NFATC2: variants seen among roughly 807,000 people sequenced by gnomAD.
The protein encoded by NFATC2 is nuclear factor of activated T-cells, cytoplasmic 2.
A neutral mutation model predicts 87.3 loss-of-function variants in NFATC2; 22 were observed. That is an observed-to-expected ratio of 0.25 (90% CI 0.18 to 0.36). NFATC2 has a LOEUF of 0.36. Among genes scored for constraint, NFATC2 ranks in the 10% least tolerant of loss-of-function variants. The pLI is 1.00. For missense variants in NFATC2, 1,149 were observed against 1,259.1 expected (o/e 0.91, Z 1.32); for synonymous variants, 565 against 542.2 (o/e 1.04, Z -0.58).
intron 3 of NFATC2, among the ~76,000 whole-genome samples, chr20:51,503,748 G>A (rs1963442902): frequency 6.6e-6 from 1 of 152,218 alleles, no homozygotes; most frequent in Non-Finnish European, 1.5e-5. Flanking sequence ...CCAAACACAG[G>A]GAGAGGAGGC....
intron 9 of NFATC2, among the ~76,000 whole-genome samples, chr20:51,414,437 C>T (rs1320062233): frequency 2.0e-5 from 3 of 152,170 alleles, no homozygotes; most frequent in Admixed American, 6.5e-5. Flanking sequence ...GCCTGTAATC[C>T]CAGCACTTTG....
At chr20:51,510,397 G>A (rs1373996651) in intron 3 of NFATC2, among the ~76,000 whole-genome samples, 1 of 152,206 alleles carries the variant, frequency 6.6e-6, no homozygotes, top group East Asian at 1.9e-4. Flanking sequence ...GCTCTGAATG[G>A]ATGTTTTGTC....
intron 3 of NFATC2, among the ~76,000 whole-genome samples, chr20:51,487,529 C>G (rs2146566416): frequency 1.3e-5 from 2 of 152,318 alleles, no homozygotes; most frequent in East Asian, 3.9e-4. Flanking sequence ...TCCCAGGAAA[C>G]TGCAGTTCAG....
chr20:51,543,179 A>G (rs1186518336), upstream of NFATC2, among the ~76,000 whole-genome samples: 1 of 152,006 alleles, frequency 6.6e-6, no homozygotes, highest in Admixed American at 6.6e-5. Flanking sequence ...ATGGCCCTGA[A>G]CTCAACTCCC....
At chr20:51,528,107 T>G (rs1039901373) in intron 1 of NFATC2, among the ~76,000 whole-genome samples, 1 of 144,514 alleles carries the variant, frequency 6.9e-6, no homozygotes, top group African/African-American at 2.7e-5. Flanking sequence ...AAAAAAAAAA[T>G]TCTTCCTGCA....
intron 5 of NFATC2, among the ~76,000 whole-genome samples, chr20:51,455,061 G>T (rs564981479): frequency 6.6e-6 from 1 of 152,270 alleles, no homozygotes; most frequent in East Asian, 1.9e-4. Context: ...TTTATAAGAG[G>T]TTTCCTTTGT....
intron 9 of NFATC2, among the ~76,000 whole-genome samples, chr20:51,421,314 A>G (rs1485799721): frequency 6.6e-6 from 1 of 152,148 alleles, no homozygotes; most frequent in African/African-American, 2.4e-5. Flanking sequence ...CCCAGCCACA[A>G]GGAGGGGAAG....
intron 9 of NFATC2, chr20:51,398,989 C>A: frequency 2.6e-6 from 1 of 382,668 alleles, no homozygotes; most frequent in Non-Finnish European, 4.8e-6. Flanking sequence ...GGAGCGTGTT[C>A]AGGGTGGACA....
Position 51,391,296 on chromosome 20 carries a change from T to G in NFATC2, c.*200A>C, listed in dbSNP as rs763855545. Reference sequence around the variant, plus strand: ...CCCATACATTGATCCGCGTGTGGACTCCGGGCTGGGAGATGAACATGAAAG... The same window carrying G: ...CCCATACATTGATCCGCGTGTGGACGCCGGGCTGGGAGATGAACATGAAAG... On this transcript the variant is annotated 3_prime_UTR_variant, in exon 11 of 11. Coordinates refer to ENST00000371564, the MANE Select transcript of NFATC2 (RefSeq NM_012340.5). 7.7e-7 allele frequency: 1 copy of G among 1,303,846 alleles called. No homozygotes were observed. Among genetic ancestry groups the G allele is most frequent in the Admixed American group, 1.7e-5 (1 of 59,528 alleles). 80.8% of individuals were successfully genotyped at this position (1,303,846 alleles called of 1,614,324 possible).
chr20:51,405,687 C>A (rs2063102083), intron 9 of NFATC2, among the ~76,000 whole-genome samples: 1 of 152,214 alleles, frequency 6.6e-6, no homozygotes, highest in Non-Finnish European at 1.5e-5. Flanking sequence ...CTCTCATCTA[C>A]TGCTGTATCC....
At chr20:51,558,964 AG>A (rs1218838431) in intron 1 of NFATC2, among the ~76,000 whole-genome samples, 7 of 152,210 alleles carry the variant, frequency 4.6e-5, no homozygotes, top group Admixed American at 6.5e-5. Flanking sequence ...CCCTGGCCTC[AG>A]GGGGCTTGTA....
intron 3 of NFATC2, among the ~76,000 whole-genome samples, chr20:51,500,868 T>C: frequency 4.9e-5 from 1 of 20,276 alleles, no homozygotes; most frequent in Non-Finnish European, 9.0e-5. Flanking sequence ...GTCTGGTCAG[T>C]CAGAGGGTGA....
At position 51,432,557 on chromosome 20, in the gene NFATC2, T is replaced by G. The variant is rs1334306794; in HGVS notation, c.2232A>C (p.Gln744His). Residue 744 changes from glutamine to histidine, a missense_variant, in exon 9 of 11, where the codon CAA becomes CAC. Gln to His is a conservative substitution (Grantham distance 24, BLOSUM62 0). Transcript: ENST00000371564. The surrounding 1 kb of genome is among the most constrained non-coding windows in gnomAD (Gnocchi z 4.6). Reference sequence around the variant, plus strand: ...GGTAGAGTACGGCCGCTGGGTTCTGTTGCTGGTAGCGGGCGTCAGGGGATG... The same window carrying G: ...GGTAGAGTACGGCCGCTGGGTTCTGGTGCTGGTAGCGGGCGTCAGGGGATG... ...GLSSPDARYQ[Q>H]QNPAAVLYQR... The G allele has an allele frequency of 1.3e-6, 2 of 1,541,234 alleles. No homozygotes were observed.
rs141458852 is a variant in NFATC2 at position 51,446,747 on chromosome 20, T to C, written c.1849+7801A>G. ...CTCTATCTCCACGGCAGCTTCGGAG[T>C]TGCAATCTGGATCGCATCTTTGGAG... On this transcript the variant is annotated intron_variant, in intron 6 of 10. Coordinates refer to ENST00000371564, the MANE Select transcript of NFATC2 (RefSeq NM_012340.5). 3.9e-3 allele frequency among the ~76,000 whole-genome samples: 593 copies of C among 152,296 alleles called. 2 individuals carry two copies. The highest frequency in any genetic ancestry group is 0.013 in the African/African-American group (553 of 41,554).
chr20:51,398,966 G>C (rs1354401946), intron 9 of NFATC2: 11 of 463,590 alleles, frequency 2.4e-5, no homozygotes, highest in Non-Finnish European at 3.9e-5. Context: ...ATTATGTGGG[G>C]TGTGGGATCA....
Position 51,562,607 on chromosome 20 carries a change from C to A in NFATC2, c.23G>T (p.Arg8Ile). ...GCGGAGGGGATGGCAGTGCCCCAGT[C>A]TGAACGCAGCCTCTCTCTGCATCTG... The change falls in exon 1 of 11, where the codon AGA becomes ATA. Residue 8 changes from arginine (R) to isoleucine (I), a missense_variant. Transcript: ENST00000414705. This position sits in a 1 kb window ranked among gnomAD's most constrained non-coding sequence, Gnocchi z 5.8. 1 of 1,551,330 alleles carries A rather than the reference C, an allele frequency of 6.4e-7. No homozygotes were observed. The highest frequency in any genetic ancestry group is 8.7e-7 in the Non-Finnish European group (1 of 1,146,700).
rs73269928 is a variant in NFATC2 at position 51,430,155 on chromosome 20, G to C, written c.2722+1912C>G. Among the ~76,000 whole-genome samples, 996 of 152,262 alleles carry C rather than the reference G, an allele frequency of 6.5e-3. 14 individuals carry two copies. The highest frequency in any genetic ancestry group is 0.023 in the African/African-American group (944 of 41,532). ...AACAAGGGATGGACAGGGTAGGAGA[G>C]GCCAGTGTGTTTCTCGCTCTGGAGA... On this transcript the variant is annotated intron_variant, in intron 9 of 10. Transcript: ENST00000371564.
intron 5 of NFATC2, among the ~76,000 whole-genome samples, chr20:51,463,424 A>G (rs1025521112): frequency 2.0e-5 from 3 of 152,196 alleles, no homozygotes; most frequent in African/African-American, 7.2e-5. Context: ...ATGCAGCAGC[A>G]CGGCCCCTCC....
At chr20:51,522,953 G>T in intron 2 of NFATC2, 128 bp downstream of exon 2, 1 of 1,323,542 alleles carries the variant, frequency 7.6e-7, no homozygotes, top group Non-Finnish European at 1.0e-6. Context: ...AACCAGCAAG[G>T]GGCCAAGCCA....
Sources: allele counts gnomAD v4.1 joint callset (sites outside exome capture counted in the v4.1 genomes callset), GRCh38; gene constraint gnomAD v4.1.1; non-coding constraint Gnocchi (gnomAD v3.1); transcripts MANE v1.5; gene names NCBI Gene and HGNC (gene_info 2026-07-23, HGNC 2026-07-21).